The following NRXN3 variants were observed in gnomAD, a reference collection of about 807,000 sequenced individuals.
NRXN3 encodes neurexin III.
Under a neutral mutation model 137.6 loss-of-function variants are expected in NRXN3, and 32 were observed. That is an observed-to-expected ratio of 0.23 (90% CI 0.18 to 0.31). The LOEUF is 0.31. Ranked by LOEUF, NRXN3 falls within the 10% of genes least tolerant of loss-of-function variation. The probability of loss-of-function intolerance (pLI) is 1.00; values close to 1 mark genes in which losing one functional copy is unlikely to be tolerated. For missense variants in NRXN3, 1,574 were observed against 2,062.5 expected (o/e 0.76, Z 4.59); for synonymous variants, 798 against 784.5 (o/e 1.02, Z -0.29).
chr14:79,648,363 C>G (rs988967893), intron 16 of NRXN3, among the ~76,000 whole-genome samples: 1 of 135,334 alleles, frequency 7.4e-6, no homozygotes, highest in African/African-American at 2.5e-5. Flanking sequence ...AATGTTGGCT[C>G]TGTGTTACTA....
chr14:78,682,255 G>T (rs773174330), intron 6 of NRXN3, among the ~76,000 whole-genome samples: 1 of 152,044 alleles, frequency 6.6e-6, no homozygotes, highest in Non-Finnish European at 1.5e-5. Context: ...TATGCCTGTG[G>T]ATTCTGTTCC....
At chr14:78,761,969 T>C (rs1262793765) in intron 8 of NRXN3, among the ~76,000 whole-genome samples, 1 of 152,202 alleles carries the variant, frequency 6.6e-6, no homozygotes, top group African/African-American at 2.4e-5. Context: ...AGGGTGTTAT[T>C]ATCATCATTT....
intron 15 of NRXN3, among the ~76,000 whole-genome samples, chr14:79,179,852 G>A (rs1014048183): frequency 6.6e-6 from 1 of 152,146 alleles, no homozygotes; most frequent in Non-Finnish European, 1.5e-5. Context: ...GATCCTGCAC[G>A]GATAATTCCC....
intron 10 of NRXN3, among the ~76,000 whole-genome samples, chr14:78,910,526 T>C (rs2099234160): frequency 6.6e-6 from 1 of 152,078 alleles, no homozygotes; most frequent in Admixed American, 6.6e-5. Context: ...CTAGAGCATT[T>C]TCCCCCAAGA....
At chr14:78,880,014 C>T (rs533100203) in intron 10 of NRXN3, among the ~76,000 whole-genome samples, 1 of 141,244 alleles carries the variant, frequency 7.1e-6, no homozygotes. Context: ...CCGAGGCGGG[C>T]GGATCACGAG....
intron 3 of NRXN3, chr14:78,282,160 C>A (rs1233291940): frequency 1.0e-5 from 5 of 499,888 alleles, no homozygotes; most frequent in Non-Finnish European, 1.6e-5. Context: ...GGTGCCTTAT[C>A]CCATGCTTTT....
chr14:79,075,470 A>T (rs1279578583), intron 15 of NRXN3, among the ~76,000 whole-genome samples: 1 of 152,168 alleles, frequency 6.6e-6, no homozygotes. Flanking sequence ...CAATTCAGAG[A>T]TTCAGAAGAA....
chr14:79,394,229 T>C (rs1004232298), intron 15 of NRXN3, among the ~76,000 whole-genome samples: 2 of 152,196 alleles, frequency 1.3e-5, no homozygotes, highest in African/African-American at 4.8e-5. Flanking sequence ...GTCACTGAGC[T>C]TTGTTCTGGG....
chr14:79,268,765 T>C (rs1433708697), intron 15 of NRXN3, among the ~76,000 whole-genome samples: 1 of 152,192 alleles, frequency 6.6e-6, no homozygotes, highest in Non-Finnish European at 1.5e-5. Flanking sequence ...TATAGACAAG[T>C]TACAATCTAT....
rs554989514 is a variant in NRXN3, at chr14:79,528,587, G to A, written c.3444+61185G>A. Among the ~76,000 whole-genome samples the A allele has an allele frequency of 3.0e-4, 46 of 152,088 alleles. 1 individual carries two copies. In the South Asian group the frequency reaches 9.3e-3, roughly 31 times the overall value. ...CAGTATATTCAAATGTGAACAGTGA[G>A]TAGTGAGATTACAGGTAATTTTGAT... On this transcript the variant is annotated intron_variant, in intron 16 of 20. Coordinates refer to ENST00000335750, the MANE Select transcript of NRXN3 (RefSeq NM_001330195.2).
intron 4 of NRXN3, among the ~76,000 whole-genome samples, chr14:78,399,198 A>G (rs1436479488): frequency 6.6e-6 from 1 of 152,214 alleles, no homozygotes; most frequent in East Asian, 1.9e-4. Flanking sequence ...GAATTAGTAT[A>G]CATTCTCCTA....
At chr14:78,802,300 A>G (rs1038340303) in intron 8 of NRXN3, among the ~76,000 whole-genome samples, 1 of 152,160 alleles carries the variant, frequency 6.6e-6, no homozygotes. Flanking sequence ...CCCAAACACC[A>G]CATGTTCTCA....
intron 4 of NRXN3, among the ~76,000 whole-genome samples, chr14:78,546,838 A>G (rs1475360415): frequency 6.6e-6 from 1 of 152,154 alleles, no homozygotes; most frequent in Admixed American, 6.5e-5. Flanking sequence ...TTCTTACCAT[A>G]TCCATTTTAC....
In NRXN3 at chr14:78,966,386, T is replaced by C; in HGVS notation, c.2757T>C (p.Ile919=). 3 of 1,612,938 alleles carry C rather than the reference T, an allele frequency of 1.9e-6. No individual in the cohort carries two copies. Among genetic ancestry groups the C allele is most frequent in the Non-Finnish European group, 2.5e-6 (3 of 1,178,960 alleles). ...ATAGTGGTGATGGCAATGACTTCAT[T>C]GCAGTCGAGCTTGTCAAGGGGTAAG... ...LFNSGDGNDF[I]AVELVKGYIH... is the part of the protein sequence containing the mutation. The change falls in exon 12 of 21, where the codon ATT becomes ATC. Residue 919 remains isoleucine, a synonymous_variant. Transcript: ENST00000335750.
intron 16 of NRXN3, among the ~76,000 whole-genome samples, chr14:79,545,336 C>T (rs951306693): frequency 6.6e-6 from 1 of 152,066 alleles, no homozygotes; most frequent in East Asian, 1.9e-4. Context: ...TTCTAAAGGC[C>T]ACCTGCTTTC....
intron 2 of NRXN3, among the ~76,000 whole-genome samples, chr14:78,271,021 C>A (rs1162380656): frequency 6.6e-6 from 1 of 152,208 alleles, no homozygotes; most frequent in Non-Finnish European, 1.5e-5. Flanking sequence ...TCCCACCCCA[C>A]AAATGATGTT....
chr14:79,234,326 A>T (rs1373893381), intron 15 of NRXN3, among the ~76,000 whole-genome samples: 6 of 111,706 alleles, frequency 5.4e-5, no homozygotes, highest in African/African-American at 2.2e-4. Context: ...ATATATATAT[A>T]TATATATATA....
intron 15 of NRXN3, among the ~76,000 whole-genome samples, chr14:79,065,040 C>T (rs9652376): frequency 6.6e-6 from 1 of 151,734 alleles, no homozygotes; most frequent in African/African-American, 2.4e-5. Context: ...TTTGAGTTTG[C>T]TGTAGATACT....
chr14:78,501,244 A>G (rs2095871729), intron 4 of NRXN3, among the ~76,000 whole-genome samples: 1 of 152,182 alleles, frequency 6.6e-6, no homozygotes, highest in South Asian at 2.1e-4. Context: ...TCAGAAGGTT[A>G]TCATTGAGGT....
Sources: gnomAD v4.1 joint callset for allele counts (sites outside exome capture counted in the v4.1 genomes callset) on GRCh38, gnomAD v4.1.1 for gene constraint, MANE v1.5 for transcripts, NCBI Gene and HGNC (gene_info 2026-07-23, HGNC 2026-07-21) for gene names.